The following UIMC1 variants were observed in gnomAD, a reference collection of about 807,000 sequenced individuals.
UIMC1 encodes ubiquitin interaction motif containing 1.
In UIMC1, 42 loss-of-function variants were observed where a neutral mutation model predicts 84.9. The ratio of observed to expected loss-of-function variants is 0.49; its 90% confidence interval spans 0.39 to 0.64. The LOEUF (loss-of-function observed/expected upper bound fraction) is 0.64. Among genes scored for constraint, UIMC1 ranks in the 30% least tolerant of loss-of-function variants. UIMC1 has a pLI of 0.00. For missense variants in UIMC1, 825 were observed against 847.6 expected, an observed-to-expected ratio of 0.97 and a Z score of 0.33; for synonymous variants, 281 against 293.0, an observed-to-expected ratio of 0.96 and a Z score of 0.42.
At position 176,982,717 on chromosome 5, in the gene UIMC1, T is replaced by C. The variant is rs1486597190; in HGVS notation, c.-8-94A>G. The stretch of plus-strand genomic sequence containing the variant: ...TAGAAGCTATTCAACTTAGTCTTTT[T>C]TTGAGATGGTCTCGCTTTGTTGCCC... On this transcript the variant is annotated intron_variant, in intron 1 of 14. Coordinates refer to ENST00000511320, the MANE Select transcript of UIMC1 (RefSeq NM_001199298.2). 2.9e-6 allele frequency: 4 copies of C among 1,388,062 alleles called. No homozygotes were observed. The South Asian group carries it at 4.0e-5, about 14-fold the overall frequency. 86.0% of individuals were successfully genotyped at this position (1,388,062 alleles called of 1,614,324 possible).
chr5:177,017,808 A>G (rs1437801629), intron 1 of UIMC1, among the ~76,000 whole-genome samples: 2 of 151,256 alleles, frequency 1.3e-5, no homozygotes, highest in Non-Finnish European at 2.9e-5. Flanking sequence ...ACACACCACC[A>G]CACCCAGCTA....
intron 1 of UIMC1, among the ~76,000 whole-genome samples, chr5:176,998,211 TCA>T (rs1250321119): frequency 1.3e-5 from 2 of 151,950 alleles, no homozygotes; most frequent in African/African-American, 4.8e-5. Context: ...TTGCAGTGGT[TCA>T]CCCCTGTAAT....
chr5:176,990,275 G>C (rs1198494911), intron 1 of UIMC1, among the ~76,000 whole-genome samples: 1 of 151,698 alleles, frequency 6.6e-6, no homozygotes, highest in Non-Finnish European at 1.5e-5. Flanking sequence ...TTATAAGAGA[G>C]GCCTAAGAGA....
intron 2 of UIMC1, among the ~76,000 whole-genome samples, chr5:176,981,450 C>T (rs940780141): frequency 9.2e-5 from 14 of 151,926 alleles, no homozygotes; most frequent in African/African-American, 2.7e-4. Flanking sequence ...GGCCAAGAAA[C>T]GTTTCTGAAA....
At chr5:177,006,443 G>C (rs931991347) in intron 1 of UIMC1, 12 of 152,146 alleles carry the variant, frequency 7.9e-5, no homozygotes, top group African/African-American at 2.7e-4. Context: ...CCCCGACTTC[G>C]GCAAGGCCAG....
At chr5:176,934,769 A>C (rs999966840) in intron 10 of UIMC1, among the ~76,000 whole-genome samples, 7 of 152,222 alleles carry the variant, frequency 4.6e-5, no homozygotes, top group Non-Finnish European at 5.9e-5. Flanking sequence ...AGAAAGGCCT[A>C]TCAGAGTCTT....
intron 10 of UIMC1, among the ~76,000 whole-genome samples, chr5:176,921,327 C>T (rs1337718208): frequency 6.6e-6 from 1 of 152,182 alleles, no homozygotes; most frequent in Non-Finnish European, 1.5e-5. Context: ...ATCATCTCTC[C>T]TGAAACATCA....
intron 10 of UIMC1, among the ~76,000 whole-genome samples, chr5:176,937,631 CAA>C (rs759939971): frequency 1.3e-5 from 2 of 152,182 alleles, no homozygotes; most frequent in Admixed American, 6.5e-5. Context: ...AAACTTACAG[CAA>C]AGTTAGTCAG....
intron 10 of UIMC1, among the ~76,000 whole-genome samples, chr5:176,942,693 C>A (rs1333576393): frequency 1.4e-5 from 2 of 147,660 alleles, no homozygotes; most frequent in African/African-American, 5.0e-5. Context: ...TTTCAGTGAG[C>A]CAAGATCGCA....
intron 10 of UIMC1, among the ~76,000 whole-genome samples, chr5:176,926,436 C>A (rs564706861): frequency 2.9e-4 from 44 of 152,070 alleles, no homozygotes; most frequent in African/African-American, 1.1e-3. Flanking sequence ...GAGTTTGAGA[C>A]CAGCTTGGGC....
chr5:176,944,889 T>C (rs1242091162), intron 9 of UIMC1, among the ~76,000 whole-genome samples: 1 of 152,200 alleles, frequency 6.6e-6, no homozygotes, highest in South Asian at 2.1e-4. Flanking sequence ...TCTTACACTA[T>C]GCAGGCTCCA....
rs544466999 is a variant in UIMC1 at position 176,970,528 on chromosome 5, G to A, written c.357+214C>T. On this transcript the variant is annotated intron_variant, in intron 4 of 14. Coordinates refer to ENST00000511320, the MANE Select transcript of UIMC1 (RefSeq NM_001199298.2). Reference sequence around the variant, plus strand: ...AACCATGAACTAAAAAATCCATGGGGTGGAAGAAAACTCTTTCATATAGAA... The same window carrying A: ...AACCATGAACTAAAAAATCCATGGGATGGAAGAAAACTCTTTCATATAGAA... 3.3e-5 allele frequency: 21 copies of A among 637,986 alleles called. No homozygotes were observed. The African/African-American group carries it at 3.5e-4, about 11-fold the overall frequency. 39.5% of individuals were successfully genotyped at this position (637,986 alleles called of 1,614,324 possible).
At chr5:177,016,524 A>C (rs1215576025) in intron 1 of UIMC1, among the ~76,000 whole-genome samples, 1 of 148,664 alleles carries the variant, frequency 6.7e-6, no homozygotes, top group Non-Finnish European at 1.5e-5. Context: ...ACGCCCCTCT[A>C]CTAAAAATAC....
intron 10 of UIMC1, among the ~76,000 whole-genome samples, chr5:176,926,409 G>T (rs1423700653): frequency 1.3e-5 from 2 of 152,062 alleles, no homozygotes; most frequent in Non-Finnish European, 2.9e-5. Context: ...CAAGAGAGAA[G>T]GATCTCTTGA....
chr5:176,910,926 C>G (rs1760061044), intron 11 of UIMC1, among the ~76,000 whole-genome samples: 1 of 151,870 alleles, frequency 6.6e-6, no homozygotes, highest in African/African-American at 2.4e-5. Flanking sequence ...CCCGCCTCTA[C>G]TAAAAATACA....
chr5:177,004,580 G>A (rs1402717273), intron 1 of UIMC1, among the ~76,000 whole-genome samples: 1 of 152,166 alleles, frequency 6.6e-6, no homozygotes, highest in East Asian at 1.9e-4. Context: ...GCCAACAGCA[G>A]CTTCTTAATG....
At chr5:177,018,309 C>G (rs1775714724) in intron 1 of UIMC1, among the ~76,000 whole-genome samples, 1 of 151,432 alleles carries the variant, frequency 6.6e-6, no homozygotes, top group Admixed American at 6.6e-5. Flanking sequence ...GAGATCGCAC[C>G]ACTGCACTCC....
chr5:177,018,516 C>G (rs886942812), intron 1 of UIMC1, among the ~76,000 whole-genome samples: 1 of 152,186 alleles, frequency 6.6e-6, no homozygotes, highest in Non-Finnish European at 1.5e-5. Context: ...CGTCCCTTAG[C>G]AAAGTCATTT....
chr5:176,967,903 TAA>T (rs35985130), intron 6 of UIMC1, among the ~76,000 whole-genome samples: 121 of 134,382 alleles, frequency 9.0e-4, no homozygotes, highest in Non-Finnish European at 9.6e-4. Context: ...ACCTTGTCTT[TAA>T]AAAAAAAAAA....
Sources: allele counts gnomAD v4.1 joint callset (sites outside exome capture counted in the v4.1 genomes callset), GRCh38; gene constraint gnomAD v4.1.1; transcripts MANE v1.5; gene names NCBI Gene and HGNC (gene_info 2026-07-23, HGNC 2026-07-21).